PAPOLA: variants seen among roughly 807,000 people sequenced by gnomAD.
PAPOLA encodes the protein poly(A) polymerase alpha.
Under a neutral mutation model 100.6 loss-of-function variants are expected in PAPOLA, and 15 were observed. That is an observed-to-expected ratio of 0.15 (90% confidence interval 0.10 to 0.23). PAPOLA has a LOEUF of 0.23. Ranked by LOEUF, PAPOLA falls within the 10% of genes least tolerant of loss-of-function variation. PAPOLA has a pLI of 1.00. For synonymous variants in PAPOLA, 293 were observed against 300.0 expected (o/e 0.98, Z 0.24); for missense variants, 533 against 884.2 (o/e 0.60, Z 5.04).
intron 16 of PAPOLA, among the ~76,000 whole-genome samples, chr14:96,551,821 T>C (rs1009236143): frequency 6.6e-6 from 1 of 152,176 alleles, no homozygotes; most frequent in Admixed American, 6.5e-5. Flanking sequence ...GGACCAACAT[T>C]AGGATTTGTA....
At chr14:96,524,227 A>G (rs1898263667) in intron 3 of PAPOLA, among the ~76,000 whole-genome samples, 1 of 152,120 alleles carries the variant, frequency 6.6e-6, no homozygotes, top group Non-Finnish European at 1.5e-5. Context: ...TTTTGTTTGG[A>G]CAGACCTTGT....
chr14:96,518,950 G>A (rs1345286079), intron 1 of PAPOLA, among the ~76,000 whole-genome samples: 1 of 151,978 alleles, frequency 6.6e-6, no homozygotes, highest in Non-Finnish European at 1.5e-5. Flanking sequence ...CCAGCTACTC[G>A]GGAGGCTGAG....
chr14:96,518,153 A>G (rs1200038456), intron 1 of PAPOLA, among the ~76,000 whole-genome samples: 1 of 152,232 alleles, frequency 6.6e-6, no homozygotes, highest in African/African-American at 2.4e-5. Context: ...AGTAAATGTT[A>G]TTATAAAATC....
At chr14:96,555,527 T>C (rs559969853) in intron 17 of PAPOLA, among the ~76,000 whole-genome samples, 1 of 152,276 alleles carries the variant, frequency 6.6e-6, no homozygotes, top group African/African-American at 2.4e-5. Context: ...TAAAATTAAA[T>C]AGTTTCTCAC....
chr14:96,527,594 T>C, intron 5 of PAPOLA, 55 bp downstream of exon 5: 1 of 952,032 alleles, frequency 1.1e-6, no homozygotes, highest in Non-Finnish European at 1.7e-6. Context: ...ATTTAGTCAG[T>C]TGAGTGAATT....
intron 1 of PAPOLA, among the ~76,000 whole-genome samples, chr14:96,519,811 C>T: frequency 6.6e-6 from 1 of 152,156 alleles, no homozygotes; most frequent in East Asian, 1.9e-4. Flanking sequence ...AGTGTTTTCT[C>T]TAGCAATGTA....
At chr14:96,525,454 C>T (rs1000666289) in intron 4 of PAPOLA, 63 bp downstream of exon 4, 12 of 678,676 alleles carry the variant, frequency 1.8e-5, no homozygotes, top group Admixed American at 1.2e-4. Flanking sequence ...ATGACATACC[C>T]GTCTCAGTTA....
At chr14:96,543,399 AT>A (rs1222620493) in intron 14 of PAPOLA, among the ~76,000 whole-genome samples, 1 of 151,988 alleles carries the variant, frequency 6.6e-6, no homozygotes. Context: ...TTAGTTGTTG[AT>A]TTGATTGTTT....
Position 96,544,162 on chromosome 14 carries a change from A to T in PAPOLA, c.1303A>T (p.Thr435Ser). ...TCTTCTTTGCAGGGAAGAATTTCGCACGATGTGGGTGATTGGGTTAGTGTT... is the reference window on the plus strand; with the variant it reads ...TCTTCTTTGCAGGGAAGAATTTCGCTCGATGTGGGTGATTGGGTTAGTGTT... Reference protein sequence around the residue: ...KENPDKEEFRTMWVIGLVFKK... With the variant: ...KENPDKEEFRSMWVIGLVFKK... Residue 435 changes from threonine (T) to serine (S), a missense_variant, in exon 15 of 22, where the codon ACG (threonine) becomes TCG (serine). Physicochemically the swap from Thr to Ser is moderately conservative, Grantham distance 58. Coordinates refer to ENST00000216277, the MANE Select transcript of PAPOLA (RefSeq NM_032632.5). 1 of 1,598,704 alleles carries T rather than the reference A, an allele frequency of 6.3e-7. No individual in the cohort carries two copies. The highest frequency in any genetic ancestry group is 8.6e-7 in the Non-Finnish European group (1 of 1,166,704).
chr14:96,544,571 A>G (rs1900238377), intron 15 of PAPOLA, among the ~76,000 whole-genome samples: 1 of 151,976 alleles, frequency 6.6e-6, no homozygotes, highest in South Asian at 2.1e-4. Flanking sequence ...TCATGTTGGC[A>G]CTCACAAATT....
intron 1 of PAPOLA, among the ~76,000 whole-genome samples, chr14:96,516,354 C>T (rs1031493737): frequency 1.3e-5 from 2 of 151,364 alleles, no homozygotes; most frequent in African/African-American, 4.9e-5. Context: ...TTTCCTTCCC[C>T]TCCCTCCCTC....
intron 1 of PAPOLA, among the ~76,000 whole-genome samples, chr14:96,514,423 C>T (rs771560985): frequency 2.0e-5 from 3 of 152,050 alleles, no homozygotes; most frequent in Admixed American, 6.5e-5. Flanking sequence ...CGTCGTGATC[C>T]GCCCGCCTTG....
chr14:96,514,850 A>G (rs1428077105), intron 1 of PAPOLA, among the ~76,000 whole-genome samples: 2 of 152,234 alleles, frequency 1.3e-5, no homozygotes, highest in African/African-American at 2.4e-5. Context: ...TACCAAGAAT[A>G]ATATAACTAG....
At chr14:96,513,487 G>C (rs1057212302) in intron 1 of PAPOLA, among the ~76,000 whole-genome samples, 52 of 152,160 alleles carry the variant, frequency 3.4e-4, no homozygotes, top group African/African-American at 1.2e-3. Context: ...GTAATAAATA[G>C]ATCGCTGGAG....
intron 17 of PAPOLA, among the ~76,000 whole-genome samples, chr14:96,555,475 G>A (rs997473572): frequency 6.6e-6 from 1 of 151,812 alleles, no homozygotes; most frequent in African/African-American, 2.4e-5. Context: ...CCACTCTGGC[G>A]ATATAGTAGC....
At chr14:96,538,673 A>G (rs913998028) in intron 12 of PAPOLA, among the ~76,000 whole-genome samples, 5 of 151,970 alleles carry the variant, frequency 3.3e-5, no homozygotes, top group African/African-American at 1.2e-4. Context: ...TATCCATACC[A>G]AATTCTATTT....
At chr14:96,506,370 A>G (rs1328026497) in intron 1 of PAPOLA, among the ~76,000 whole-genome samples, 1 of 152,174 alleles carries the variant, frequency 6.6e-6, no homozygotes, top group Non-Finnish European at 1.5e-5. Context: ...GGTGGTTTTG[A>G]GGAGCACTTG....
chr14:96,508,429 C>G (rs758514975), intron 1 of PAPOLA, among the ~76,000 whole-genome samples: 8 of 152,112 alleles, frequency 5.3e-5, no homozygotes, highest in Non-Finnish European at 7.4e-5. Context: ...AACATGTTTT[C>G]AGTCCATATT....
At chr14:96,539,334 CAT>C (rs1440902149) in intron 12 of PAPOLA, among the ~76,000 whole-genome samples, 2 of 152,032 alleles carry the variant, frequency 1.3e-5, no homozygotes, top group African/African-American at 2.4e-5. Context: ...ATTACGTAAA[CAT>C]AGAATTGCAA....
Sources: allele counts gnomAD v4.1 joint callset (sites outside exome capture counted in the v4.1 genomes callset), GRCh38; gene constraint gnomAD v4.1.1; transcripts MANE v1.5; gene names NCBI Gene and HGNC (gene_info 2026-07-23, HGNC 2026-07-21).